CSMD1: variants seen among roughly 807,000 people sequenced by gnomAD.
CSMD1 encodes the protein CUB and Sushi multiple domains 1, also known as CUB and sushi domain-containing protein 1.
In CSMD1, 213 loss-of-function variants were observed where a neutral mutation model predicts 417.5. The observed-to-expected ratio is 0.51, with a 90% confidence interval of 0.46 to 0.57. The LOEUF (loss-of-function observed/expected upper bound fraction) is 0.57. Ranked by LOEUF, CSMD1 falls within the 20% of genes least tolerant of loss-of-function variation. The pLI, the probability that CSMD1 is intolerant of heterozygous loss-of-function variation, is 0.00. For synonymous variants in CSMD1, 2,862 were observed against 1,736.8 expected, an observed-to-expected ratio of 1.65 and a Z score of -16.11; for missense variants, 6,923 against 4,529.7, an observed-to-expected ratio of 1.53 and a Z score of -15.17.
At chr8:3,854,829 C>A (rs144338377) in intron 5 of CSMD1, among the ~76,000 whole-genome samples, 5,262 of 151,796 alleles carry the variant, frequency 0.035, 100 homozygotes, top group Middle Eastern at 0.069. Context: ...CTAAACATAA[C>A]AAAAACAGGG....
intron 5 of CSMD1, among the ~76,000 whole-genome samples, chr8:3,807,258 T>C (rs528321900): frequency 1.5e-4 from 23 of 152,294 alleles, no homozygotes; most frequent in Admixed American, 1.5e-3. Flanking sequence ...TTCCATTCTT[T>C]GATCAACAGA....
At chr8:3,082,402 T>G (rs558795765) in intron 49 of CSMD1, among the ~76,000 whole-genome samples, 1 of 152,296 alleles carries the variant, frequency 6.6e-6, no homozygotes, top group African/African-American at 2.4e-5. Context: ...TCCTCCACCA[T>G]GTCCCCTTCA....
At chr8:3,832,603 A>G (rs1294033152) in intron 5 of CSMD1, among the ~76,000 whole-genome samples, 2 of 152,200 alleles carry the variant, frequency 1.3e-5, no homozygotes, top group Admixed American at 1.3e-4. Flanking sequence ...TAACACAGCA[A>G]TGATGGCATG....
At chr8:4,945,511 A>G (rs116264085) in intron 1 of CSMD1, among the ~76,000 whole-genome samples, 4,699 of 147,370 alleles carry the variant, frequency 0.032, 73 homozygotes, top group Middle Eastern at 0.08. Flanking sequence ...CAAAATAAAA[A>G]GAGGAAGGAC....
In CSMD1 at chr8:3,758,687, T is replaced by G. The variant is rs192596312; in HGVS notation, c.819-4645A>C. Among the ~76,000 whole-genome samples the G allele has an allele frequency of 4.6e-5, 7 of 152,312 alleles. No individual in the cohort carries two copies. The East Asian group carries it at 1.4e-3, about 29-fold the overall frequency. ...GAGATTTAGAAGAAAAGAATTCAACTGAATGGCTTTGTGGGAGGCAGAATC... is the reference window on the plus strand; with the variant it reads ...GAGATTTAGAAGAAAAGAATTCAACGGAATGGCTTTGTGGGAGGCAGAATC... On this transcript the variant is annotated intron_variant, in intron 5 of 69. Transcript: ENST00000635120.
intron 31 of CSMD1, among the ~76,000 whole-genome samples, chr8:3,203,057 A>G (rs1797073406): frequency 6.6e-6 from 1 of 152,220 alleles, no homozygotes; most frequent in Non-Finnish European, 1.5e-5. Context: ...CTTGGGTCAC[A>G]AAAGTGAATC....
At chr8:3,645,313 C>A (rs1462614337) in intron 7 of CSMD1, among the ~76,000 whole-genome samples, 4 of 152,210 alleles carry the variant, frequency 2.6e-5, no homozygotes, top group African/African-American at 9.6e-5. Context: ...GTTCTCCCAG[C>A]AGCTGCAATT....
chr8:3,953,351 T>A (rs1811712843), intron 5 of CSMD1, among the ~76,000 whole-genome samples: 1 of 152,318 alleles, frequency 6.6e-6, no homozygotes, highest in Admixed American at 6.5e-5. Context: ...GTATAAACAT[T>A]ACATGCCATA....
At chr8:4,902,552 C>T (rs1262753152) in intron 1 of CSMD1, among the ~76,000 whole-genome samples, 3 of 152,092 alleles carry the variant, frequency 2.0e-5, no homozygotes, top group Non-Finnish European at 4.4e-5. Context: ...ACATTCAAGA[C>T]ATTTTCTTCT....
intron 54 of CSMD1, among the ~76,000 whole-genome samples, chr8:2,988,560 G>A (rs1450123048): frequency 6.6e-6 from 1 of 152,106 alleles, no homozygotes; most frequent in East Asian, 1.9e-4. Flanking sequence ...AGGGAAATAT[G>A]GGCCTCCAGG....
At chr8:4,040,770 G>T (rs541527349) in intron 3 of CSMD1, among the ~76,000 whole-genome samples, 95 of 152,284 alleles carry the variant, frequency 6.2e-4, no homozygotes, top group African/African-American at 2.2e-3. Flanking sequence ...TTGGCAAATG[G>T]ATTTGAAACC....
intron 4 of CSMD1, among the ~76,000 whole-genome samples, chr8:4,006,821 C>CTTTTTT (rs1440838943): frequency 1.1e-5 from 1 of 90,094 alleles, no homozygotes; most frequent in African/African-American, 4.6e-5. Context: ...AGGACTTTTC[C>CTTTTTT]TATTTTTTTT....
At chr8:3,894,668 C>T (rs997112004) in intron 5 of CSMD1, among the ~76,000 whole-genome samples, 1 of 152,172 alleles carries the variant, frequency 6.6e-6, no homozygotes, top group Non-Finnish European at 1.5e-5. Context: ...ACAAGAGAGT[C>T]TAATTGAAAA....
rs774030768 is a variant in CSMD1, at chr8:4,139,802, G to C, written c.416-107703C>G. Reference sequence around the variant, plus strand: ...GCACACTGAGCTCAGTGTTCTACAGGCTTACTGGACATTCCACAGAGGGCC... The same window carrying C: ...GCACACTGAGCTCAGTGTTCTACAGCCTTACTGGACATTCCACAGAGGGCC... On this transcript the variant is annotated intron_variant, in intron 3 of 69. Transcript: ENST00000635120. Among the ~76,000 whole-genome samples the C allele has an allele frequency of 2.4e-4, 36 of 151,074 alleles. 1 individual carries two copies. The highest frequency in any genetic ancestry group is 3.8e-4 in the Non-Finnish European group (26 of 68,044).
intron 1 of CSMD1, among the ~76,000 whole-genome samples, chr8:4,681,464 G>A (rs1272433662): frequency 1.3e-5 from 2 of 152,132 alleles, no homozygotes; most frequent in African/African-American, 4.8e-5. Flanking sequence ...TTGGTGAAAT[G>A]AAACCACAAA....
chr8:4,462,824 A>T (rs1372850964), intron 2 of CSMD1, among the ~76,000 whole-genome samples: 2 of 152,054 alleles, frequency 1.3e-5, no homozygotes, highest in Non-Finnish European at 2.9e-5. Context: ...AAAATTGATA[A>T]ATCATAGACC....
chr8:4,244,689 C>A (rs1404691951), intron 3 of CSMD1, among the ~76,000 whole-genome samples: 4 of 152,088 alleles, frequency 2.6e-5, no homozygotes, highest in Non-Finnish European at 5.9e-5. Context: ...TATTTTCACA[C>A]ATCATTCCTC....
At chr8:4,140,147 G>A (rs76234063) in intron 3 of CSMD1, among the ~76,000 whole-genome samples, 44,882 of 150,030 alleles carry the variant, frequency 0.3, 8,371 homozygotes, top group Non-Finnish European at 0.39. Flanking sequence ...GAGCCCAGGG[G>A]TTTGCGACCA....
At chr8:3,927,538 C>G (rs7825644) in intron 5 of CSMD1, among the ~76,000 whole-genome samples, 12,821 of 151,830 alleles carry the variant, frequency 0.084, 774 homozygotes, top group African/African-American at 0.16. Context: ...GGTGGTGCAT[C>G]ACTGTAATCC....
Sources: gnomAD v4.1 joint callset for allele counts (sites outside exome capture counted in the v4.1 genomes callset) on GRCh38, gnomAD v4.1.1 for gene constraint, MANE v1.5 for transcripts, NCBI Gene and HGNC (gene_info 2026-07-23, HGNC 2026-07-21) for gene names.